The following CHD4 variants were observed in gnomAD, a reference collection of about 807,000 sequenced individuals.
CHD4 encodes the protein chromodomain helicase DNA binding protein 4, also known as ATP-dependent chromatin remodeler CHD4.
Under a neutral mutation model 235.5 loss-of-function variants are expected in CHD4, and 35 were observed. The ratio of observed to expected loss-of-function variants is 0.15; its 90% CI spans 0.11 to 0.20. CHD4 has a LOEUF of 0.20. Among genes scored for constraint, CHD4 ranks in the 10% least tolerant of loss-of-function variants. CHD4 has a pLI of 1.00. For missense variants in CHD4, 1,329 were observed against 2,432.3 expected (o/e 0.55, Z 9.54); for synonymous variants, 900 against 850.2 (o/e 1.06, Z -1.02).
At position 6,591,589 on chromosome 12, in the gene CHD4, A is replaced by G; in HGVS notation, c.3223-6T>C. The G allele has an allele frequency of 1.2e-6, 2 of 1,614,084 alleles. No individual in the cohort carries two copies. Among genetic ancestry groups the G allele is most frequent in the Admixed American group, 1.7e-5 (1 of 60,012 alleles). Reference sequence around the variant, plus strand: ...AGGTCTAGCATCTTGGTCATCTGCAAAAGAAGCACGGTTTAATTATGGAAG... The same window carrying G: ...AGGTCTAGCATCTTGGTCATCTGCAGAAGAAGCACGGTTTAATTATGGAAG... On this transcript the variant is annotated splice_polypyrimidine_tract_variant and splice_region_variant and intron_variant, in intron 21 of 39. Coordinates refer to ENST00000544040, the MANE Select transcript of CHD4 (RefSeq NM_001273.5).
Position 6,601,700 on chromosome 12 carries a change from C to G in CHD4, c.505G>C (p.Glu169Gln), listed in dbSNP as rs1948593765. 1 of 1,614,212 alleles carries G rather than the reference C, an allele frequency of 6.2e-7. No individual in the cohort carries two copies. The highest frequency in any genetic ancestry group is 1.1e-5 in the South Asian group (1 of 91,084). Residue 169 changes from glutamate to glutamine, a missense_variant, in exon 5 of 40, where the codon GAG (glutamate) becomes CAG (glutamine). Physicochemically the swap from Glu to Gln is conservative, Grantham distance 29. Around this residue, in one of 26 missense-constraint regions of CHD4, gnomAD observed 39 missense variants for 86.6 expected, o/e 0.45. Coordinates refer to ENST00000544040, the MANE Select transcript of CHD4 (RefSeq NM_001273.5). The stretch of plus-strand genomic sequence containing the variant: ...TTGGTGAGGGTTCGATAATCCTCCT[C>G]TGAGAACACGTGGTCAATGTCTTCC... Reference protein sequence around the residue: ...GMEDIDHVFSEEDYRTLTNYK... With the variant: ...GMEDIDHVFSQEDYRTLTNYK...
At chr12:6,595,957 A>C (rs1178949433) in intron 13 of CHD4, 49 bp downstream of exon 13, 37 of 197,118 alleles carry the variant, frequency 1.9e-4, no homozygotes, top group Non-Finnish European at 3.2e-4. Flanking sequence ...ACTCCATCTC[A>C]AAAAAAAAAA....
intron 34 of CHD4, 82 bp downstream of exon 34, chr12:6,578,764 G>T: frequency 1.4e-6 from 2 of 1,445,662 alleles, no homozygotes; most frequent in South Asian, 1.2e-5. Flanking sequence ...GATGAGTATG[G>T]ACAGGGAGGC....
Position 6,581,329 on chromosome 12 carries a change from T to C in CHD4, c.4741A>G (p.Lys1581Glu). Residue 1581 changes from lysine (K) to glutamate (E), a missense_variant, in exon 32 of 40, where the codon AAG (lysine) becomes GAG (glutamate). Physicochemically the swap from Lys to Glu is moderately conservative, Grantham distance 56. This residue lies in a region of CHD4 where 219 missense variants were observed against 219.3 expected (regional missense o/e 1.00). Coordinates refer to ENST00000544040, the MANE Select transcript of CHD4 (RefSeq NM_001273.5). ...TCAGGGGCTGTAGATTTAACCTCCT[T>C]TTCTCCTTCTATGCTCTCTTCTTCT... Reference protein sequence around the residue: ...LKEEESIEGEKEVKSTAPETA... With the variant: ...LKEEESIEGEEEVKSTAPETA... 1.2e-6 allele frequency: 2 copies of C among 1,614,220 alleles called. No individual in the cohort carries two copies.
Position 6,598,280 on chromosome 12 carries a change from A to T in CHD4, c.1628T>A (p.Phe543Tyr). The T allele has an allele frequency of 6.2e-7, 1 of 1,614,070 alleles. No homozygotes were observed. Among genetic ancestry groups the T allele is most frequent in the Non-Finnish European group, 8.5e-7 (1 of 1,179,954 alleles). Residue 543 changes from phenylalanine to tyrosine, a missense_variant, in exon 11 of 40, where the codon TTC becomes TAC. By Grantham distance (22) the Phe-to-Tyr change is conservative. Around this residue, in one of 26 missense-constraint regions of CHD4, gnomAD observed 45 missense variants for 47.5 expected, o/e 0.95. Transcript: ENST00000544040. ...AGACATGCCTTGCCATTTCACAAAG[A>T]ACTGCCGCTCTGGCCGCCCCTCCAA... is the stretch of plus-strand genomic sequence containing the variant. ...KPLEGRPERQ[F>Y]FVKWQGMSYW...
At chr12:6,577,734 C>T (rs752949357) in intron 37 of CHD4, 51 bp downstream of exon 37, 30 of 1,608,448 alleles carry the variant, frequency 1.9e-5, no homozygotes, top group African/African-American at 2.7e-5. Context: ...CAGGACGTTA[C>T]GCACTTTCAA....
chr12:6,573,219 G>A lies in CHD4; in HGVS notation c.5412C>T (p.Tyr1804=). 2 of 1,596,460 alleles carry A rather than the reference G, an allele frequency of 1.3e-6. No individual in the cohort carries two copies. Among genetic ancestry groups the A allele is most frequent in the Non-Finnish European group, 1.7e-6 (2 of 1,174,134 alleles). The change falls in exon 38 of 40, where the codon TAC becomes TAT. Residue 1804 remains tyrosine, a synonymous_variant. Coordinates refer to ENST00000544040, the MANE Select transcript of CHD4 (RefSeq NM_001273.5). ...VIEEQLRRAA[Y]LNMSEDPSHP... ...GAGAAGGGTCTTCTGACATGTTCAA[G>A]TAAGCAGCCCGGCGCAGCTGTTCCT... is the stretch of plus-strand genomic sequence containing the variant.
Position 6,599,924 on chromosome 12 carries a change from T to TCCTCTTCGAGGTCTCCCCCAA in CHD4, c.1310_1330dup (p.Val437_Glu443dup). ...ACAGAATTCCATATGGTGGTCATCC[T>TCCTCTTCGAGGTCTCCCCCAA]CCTCTTCGAGGTCTCCCCCAACCTC... On this transcript the variant is annotated inframe_insertion, in exon 10 of 40. Coordinates refer to ENST00000544040, the MANE Select transcript of CHD4 (RefSeq NM_001273.5). 6.2e-7 allele frequency: 1 copy of TCCTCTTCGAGGTCTCCCCCAA among 1,614,142 alleles called. No homozygotes were observed. Among genetic ancestry groups the TCCTCTTCGAGGTCTCCCCCAA allele is most frequent in the Non-Finnish European group, 8.5e-7 (1 of 1,180,022 alleles).
rs778005514 is a variant in CHD4 at position 6,601,761 on chromosome 12, A to C, written c.444T>G (p.Pro148=). Residue 148 remains proline (P), a synonymous_variant, in exon 5 of 40, where the codon CCT becomes CCG. Coordinates refer to ENST00000544040, the MANE Select transcript of CHD4 (RefSeq NM_001273.5). ...EEDDDDDSKE[P]KSSAQLLEDW... ...CTTCCAGGAGCTGAGCAGATGATTT[A>C]GGCTCCTGCAGAAAGAGCAAAGTCA... 4 of 1,613,780 alleles carry C rather than the reference A, an allele frequency of 2.5e-6. No individual in the cohort carries two copies. Among genetic ancestry groups the C allele is most frequent in the Non-Finnish European group, 3.4e-6 (4 of 1,179,712 alleles).
At chr12:6,606,634 C>T (rs1199675463) in intron 1 of CHD4, 183 bp from the exon 2 acceptor site, 2 of 377,782 alleles carry the variant, frequency 5.3e-6, no homozygotes, top group South Asian at 5.4e-5. Flanking sequence ...CCGGCAGGCG[C>T]CCCCACGGAG....
At chr12:6,583,600 T>A in intron 25 of CHD4, 1 of 495,438 alleles carries the variant, frequency 2.0e-6, no homozygotes, top group Non-Finnish European at 3.5e-6. Context: ...AAGAAAAACA[T>A]GGGATAGAGC....
chr12:6,582,343 A>G (rs1285598619), intron 29 of CHD4, 62 bp from the exon 30 acceptor site: 1 of 1,502,534 alleles, frequency 6.7e-7, no homozygotes, highest in Non-Finnish European at 8.9e-7. Context: ...ATTCTTTTCC[A>G]TCCCTTCGTG....
At chr12:6,574,859 C>T (rs1017076134) in intron 37 of CHD4, among the ~76,000 whole-genome samples, 3 of 152,202 alleles carry the variant, frequency 2.0e-5, no homozygotes, top group African/African-American at 2.4e-5. Flanking sequence ...CAGGAGTTGG[C>T]AAGCTACAGC....
At chr12:6,604,261 G>A (rs2136228304) in intron 2 of CHD4, among the ~76,000 whole-genome samples, 1 of 152,238 alleles carries the variant, frequency 6.6e-6, no homozygotes, top group Admixed American at 6.5e-5. Context: ...GCGACAGAGT[G>A]AGACCCCATC....
chr12:6,602,075 C>T lies in CHD4; in HGVS notation c.323G>A (p.Ser108Asn). 6.2e-7 allele frequency: 1 copy of T among 1,613,608 alleles called. No individual in the cohort carries two copies. The highest frequency in any genetic ancestry group is 8.5e-7 in the Non-Finnish European group (1 of 1,179,868). Residue 108 changes from serine (S) to asparagine (N), a missense_variant, in exon 4 of 40, where the codon AGC becomes AAC. Transcript: ENST00000544040. ...EVALRSDSEGSDYTPGKKKKK... is the reference protein window; with the variant it reads ...EVALRSDSEGNDYTPGKKKKK... Reference sequence around the variant, plus strand: ...CTTCTTCTTGCCAGGAGTATAGTCGCTGCCCTCACTGTCTGAGCGCAGAGC... The same window carrying T: ...CTTCTTCTTGCCAGGAGTATAGTCGTTGCCCTCACTGTCTGAGCGCAGAGC...
intron 29 of CHD4, 82 bp downstream of exon 29, chr12:6,582,533 G>A (rs535444489): frequency 9.9e-6 from 15 of 1,518,602 alleles, no homozygotes; most frequent in South Asian, 6.6e-5. Flanking sequence ...TTCCCTGCAC[G>A]GCTAGGCCTA....
chr12:6,580,968 C>T, intron 33 of CHD4, 76 bp downstream of exon 33: 21 of 1,549,170 alleles, frequency 1.4e-5, no homozygotes, highest in Non-Finnish European at 1.8e-5. Context: ...GATCGCGCCA[C>T]AGCACTCCAG....
At chr12:6,596,515 T>A (rs1420982485) in intron 12 of CHD4, among the ~76,000 whole-genome samples, 1 of 148,580 alleles carries the variant, frequency 6.7e-6, no homozygotes, top group Non-Finnish European at 1.5e-5. Context: ...TAGCCAGGCA[T>A]CAGGCCGGGC....
intron 12 of CHD4, among the ~76,000 whole-genome samples, chr12:6,597,416 T>C (rs1948518854): frequency 6.6e-6 from 1 of 152,028 alleles, no homozygotes; most frequent in African/African-American, 2.4e-5. Flanking sequence ...CTATGAGCAG[T>C]GATCACGACA....
Sources: gnomAD v4.1 joint callset for allele counts (sites outside exome capture counted in the v4.1 genomes callset) on GRCh38, gnomAD v4.1.1 for gene constraint, gnomAD v4.1.1 regional missense constraint, MANE v1.5 for transcripts, NCBI Gene and HGNC (gene_info 2026-07-23, HGNC 2026-07-21) for gene names.